The following AOPEP variants were observed in gnomAD, a reference collection of about 807,000 sequenced individuals.
The protein encoded by AOPEP is aminopeptidase O.
In AOPEP, 77 loss-of-function variants were observed where a neutral mutation model predicts 98.1. The ratio of observed to expected loss-of-function variants is 0.78; its 90% CI spans 0.65 to 0.95. The LOEUF (loss-of-function observed/expected upper bound fraction) is 0.95. AOPEP is among the 40% of genes least tolerant of loss of function. The probability of loss-of-function intolerance (pLI) is 0.00; values close to 1 mark genes in which losing one functional copy is unlikely to be tolerated. For synonymous variants in AOPEP, 346 were observed against 365.3 expected (o/e 0.95, Z 0.60); for missense variants, 1,024 against 1,024.7 (o/e 1.00, Z 0.01).
At chr9:95,009,575 A>C (rs1489980846) in intron 13 of AOPEP, among the ~76,000 whole-genome samples, 1 of 152,192 alleles carries the variant, frequency 6.6e-6, no homozygotes, top group Non-Finnish European at 1.5e-5. Flanking sequence ...AATCATTGAA[A>C]ATTCAGCCAT....
intron 1 of AOPEP, among the ~76,000 whole-genome samples, chr9:94,755,149 A>C (rs1836722390): frequency 6.6e-6 from 1 of 152,000 alleles, no homozygotes; most frequent in Non-Finnish European, 1.5e-5. Flanking sequence ...AAAACTAACC[A>C]CTGGTTTTTA....
At chr9:94,853,799 G>A (rs865900382) in intron 5 of AOPEP, among the ~76,000 whole-genome samples, 2 of 152,156 alleles carry the variant, frequency 1.3e-5, no homozygotes, top group Non-Finnish European at 1.5e-5. Context: ...AGTTTAATGT[G>A]CAGAGAAAGC....
chr9:95,028,286 G>A (rs1458166444), intron 13 of AOPEP, among the ~76,000 whole-genome samples: 2 of 152,204 alleles, frequency 1.3e-5, no homozygotes, highest in African/African-American at 2.4e-5. Context: ...ATAAAGGAAC[G>A]GTTCTCATAG....
chr9:94,854,852 C>A (rs1336650162), intron 5 of AOPEP, among the ~76,000 whole-genome samples: 1 of 152,062 alleles, frequency 6.6e-6, no homozygotes, highest in East Asian at 1.9e-4. Flanking sequence ...ACAGAGGCAC[C>A]AAACGAGCTC....
At chr9:94,955,363 A>G (rs2058380381) in intron 8 of AOPEP, 84 bp downstream of exon 8, 2 of 815,216 alleles carry the variant, frequency 2.5e-6, no homozygotes, top group East Asian at 2.6e-5. Flanking sequence ...GATTAGTAAC[A>G]AGACTGAGGT....
the AOPEP span, chr9:95,145,332 T>G: frequency 6.6e-6 from 1 of 152,162 alleles, no homozygotes; most frequent in Non-Finnish European, 1.5e-5. Flanking sequence ...AAGAAATGTG[T>G]AAATCCAATG....
chr9:94,903,303 C>T (rs2050674551), intron 5 of AOPEP, among the ~76,000 whole-genome samples: 1 of 151,838 alleles, frequency 6.6e-6, no homozygotes, highest in Admixed American at 6.6e-5. Context: ...TTCTTGATAG[C>T]CTTTTGCATT....
intron 5 of AOPEP, among the ~76,000 whole-genome samples, chr9:94,879,441 G>C (rs1198368249): frequency 6.6e-6 from 1 of 152,180 alleles, no homozygotes; most frequent in East Asian, 1.9e-4. Flanking sequence ...CCAGAAGACT[G>C]AGGGTGATAA....
intron 13 of AOPEP, among the ~76,000 whole-genome samples, chr9:95,030,192 A>G (rs987025321): frequency 6.6e-6 from 1 of 152,254 alleles, no homozygotes; most frequent in African/African-American, 2.4e-5. Context: ...CAAAATTACC[A>G]GTAATCCAGT....
rs73657004 is a variant in AOPEP, at chr9:94,864,856, T to A, written c.1365-59130T>A. 6.6e-3 allele frequency among the ~76,000 whole-genome samples: 1,013 copies of A among 152,348 alleles called. 8 individuals are homozygous for A. The highest frequency in any genetic ancestry group is 0.023 in the African/African-American group (974 of 41,578). Reference sequence around the variant, plus strand: ...GATCTGTCTTTGCAGGAGAGATTTTTTTAAAATGTGAGTAAAACAAAGAGC... The same window carrying A: ...GATCTGTCTTTGCAGGAGAGATTTTATTAAAATGTGAGTAAAACAAAGAGC... On this transcript the variant is annotated intron_variant, in intron 5 of 16. Transcript: ENST00000375315.
At chr9:95,102,256 T>A in the AOPEP span, among the ~76,000 whole-genome samples, 2 of 152,166 alleles carry the variant, frequency 1.3e-5, no homozygotes, top group Non-Finnish European at 2.9e-5. Context: ...CACACGAACA[T>A]GAGAATTGGA....
At chr9:95,012,385 C>T (rs1392300593) in intron 13 of AOPEP, among the ~76,000 whole-genome samples, 1 of 152,146 alleles carries the variant, frequency 6.6e-6, no homozygotes, top group Admixed American at 6.5e-5. Flanking sequence ...AGATGAAAGC[C>T]ATTTTTATAT....
chr9:95,085,202 G>A (rs764602053), intron 16 of AOPEP: 4 of 489,064 alleles, frequency 8.2e-6, no homozygotes, highest in East Asian at 1.2e-4. Flanking sequence ...ACGGGGTGGC[G>A]CTGCTCTCAG....
intron 14 of AOPEP, among the ~76,000 whole-genome samples, chr9:95,078,099 G>C (rs546981609): frequency 3.9e-5 from 6 of 152,232 alleles, no homozygotes; most frequent in African/African-American, 1.2e-4. Context: ...CCTGGATGCT[G>C]TTAGCCTCCA....
At chr9:95,070,150 C>G (rs533936878) in intron 14 of AOPEP, among the ~76,000 whole-genome samples, 15 of 152,362 alleles carry the variant, frequency 9.8e-5, no homozygotes, top group Admixed American at 3.3e-4. Context: ...TGTCCAGAAG[C>G]CCCTGGGGCA....
intron 5 of AOPEP, among the ~76,000 whole-genome samples, chr9:94,834,753 A>G (rs940710360): frequency 2.0e-5 from 3 of 152,312 alleles, no homozygotes; most frequent in South Asian, 2.1e-4. Flanking sequence ...AGATTGCACC[A>G]TTGCACTTCA....
chr9:95,006,789 T>C (rs1280599938), intron 13 of AOPEP, among the ~76,000 whole-genome samples: 1 of 152,154 alleles, frequency 6.6e-6, no homozygotes, highest in Non-Finnish European at 1.5e-5. Context: ...TTTAATGGTT[T>C]AGGTGTTTTT....
the AOPEP span, among the ~76,000 whole-genome samples, chr9:95,146,115 G>GT: frequency 2.0e-5 from 3 of 152,046 alleles, no homozygotes; most frequent in Admixed American, 6.6e-5. Flanking sequence ...TTGTAGTTTT[G>GT]TTTTTTTAAA....
chr9:94,897,775 G>A (rs1037851004), intron 5 of AOPEP, among the ~76,000 whole-genome samples: 1 of 151,510 alleles, frequency 6.6e-6, no homozygotes, highest in Non-Finnish European at 1.5e-5. Flanking sequence ...TTTTTTGTGG[G>A]GATAGAAATT....
Sources: allele counts gnomAD v4.1 joint callset (sites outside exome capture counted in the v4.1 genomes callset), GRCh38; gene constraint gnomAD v4.1.1; transcripts MANE v1.5; gene names NCBI Gene and HGNC (gene_info 2026-07-23, HGNC 2026-07-21).